RBM19: variants seen among roughly 807,000 people sequenced by gnomAD.
The protein encoded by RBM19 is probable RNA-binding protein 19.
RBM19 carries 94 observed loss-of-function variants against 116.8 expected under a neutral mutation model. The ratio of observed to expected loss-of-function variants is 0.80; its 90% CI spans 0.68 to 0.95. The LOEUF (loss-of-function observed/expected upper bound fraction) is 0.95, where lower values mean the gene tolerates loss of function less well. RBM19 is among the 40% of genes least tolerant of loss of function. The pLI is 0.00. For missense variants in RBM19, 1,161 were observed against 1,220.7 expected, an observed-to-expected ratio of 0.95 and a Z score of 0.73; for synonymous variants, 475 against 494.1, an observed-to-expected ratio of 0.96 and a Z score of 0.51.
intron 19 of RBM19, 117 bp downstream of exon 19, chr12:113,920,494 T>C (rs1868432098): frequency 1.1e-6 from 1 of 943,180 alleles, no homozygotes; most frequent in Non-Finnish European, 1.7e-6. Flanking sequence ...GGAAAAGCAA[T>C]GGGCCCGGTC....
Position 113,915,076 on chromosome 12 carries a change from C to A in RBM19, c.2451G>T (p.Val817=), listed in dbSNP as rs748426057. Residue 817 remains valine (V), a synonymous_variant, in exon 21 of 24, where the codon GTG becomes GTT. Coordinates refer to ENST00000261741, the MANE Select transcript of RBM19 (RefSeq NM_016196.4). ...GAACTTGTTTCTTCCGAGCCAATGT[C>A]ACGGCTGGCCTGGAGTGGTGGGGGG... ...RISERATKPA[V]TLARKKQVPR... The A allele has an allele frequency of 6.2e-7, 1 of 1,614,092 alleles. No homozygotes were observed. Among genetic ancestry groups the A allele is most frequent in the Admixed American group, 1.7e-5 (1 of 60,028 alleles).
intron 21 of RBM19, among the ~76,000 whole-genome samples, chr12:113,888,441 A>T (rs940869343): frequency 1.3e-5 from 2 of 152,154 alleles, no homozygotes; most frequent in Non-Finnish European, 2.9e-5. Context: ...TCATCTGTCA[A>T]TGTGGGGCCC....
At chr12:113,962,907 G>A (rs1226236837) in intron 1 of RBM19, among the ~76,000 whole-genome samples, 1 of 152,194 alleles carries the variant, frequency 6.6e-6, no homozygotes, top group East Asian at 1.9e-4. Context: ...TATGGAGATG[G>A]GGAGATGATC....
intron 1 of RBM19, among the ~76,000 whole-genome samples, chr12:113,962,693 A>G (rs1872603837): frequency 6.6e-6 from 1 of 152,254 alleles, no homozygotes; most frequent in African/African-American, 2.4e-5. Context: ...TGAGGATAAG[A>G]CCAATTACAG....
intron 23 of RBM19, among the ~76,000 whole-genome samples, chr12:113,830,594 C>CT (rs1875327807): frequency 4.6e-5 from 2 of 43,574 alleles, no homozygotes; most frequent in Admixed American, 2.8e-4. Flanking sequence ...GGGGGGTGGG[C>CT]TATGCCTGGG....
rs148668311 is a variant in RBM19, at chr12:113,901,498, T to TATTCATTCATTCATTC, written c.2558+13455_2558+13470dup. On this transcript the variant is annotated intron_variant, in intron 21 of 23. Coordinates refer to ENST00000261741, the MANE Select transcript of RBM19 (RefSeq NM_016196.4). ...TCACTCCATCAGGAATTCCTTCTTTTATTCATTCATTCATTCATTCATTCA... is the reference window on the plus strand; with the variant it reads ...TCACTCCATCAGGAATTCCTTCTTTTATTCATTCATTCATTCATTCATTCATTCATTCATTCATTCA... Among the ~76,000 whole-genome samples the TATTCATTCATTCATTC allele has an allele frequency of 7.2e-5, 11 of 151,744 alleles. 1 individual carries two copies. The East Asian group carries it at 1.4e-3, about 19-fold the overall frequency.
intron 21 of RBM19, among the ~76,000 whole-genome samples, chr12:113,884,365 A>G (rs1045786979): frequency 6.6e-6 from 1 of 150,662 alleles, no homozygotes; most frequent in Non-Finnish European, 1.5e-5. Context: ...TTGGTTCTCA[A>G]TCAGGCAATT....
rs1452893327 is a variant in RBM19, at chr12:113,955,184, GT to G, written c.867del (p.Glu289AspfsTer8). 1 of 1,614,044 alleles carries G rather than the reference GT, an allele frequency of 6.2e-7. No homozygotes were observed. Among genetic ancestry groups the G allele is most frequent in the East Asian group, 2.2e-5 (1 of 44,892 alleles). On this transcript the variant is annotated frameshift_variant, in exon 7 of 24. Coordinates refer to ENST00000261741, the MANE Select transcript of RBM19 (RefSeq NM_016196.4). LOFTEE classifies it high-confidence loss of function. ...AGCTTCACGGTGTGGCAGGTGGTGG[GT>G]TCCTTCTGGTTTGCTGGTTTCTCTG... Reference protein sequence around the residue: ...AETEKPANQKEPTTCHTVKLR... With the variant: ...AETEKPANQKXPTTCHTVKLR...
intron 23 of RBM19, among the ~76,000 whole-genome samples, chr12:113,841,445 A>T (rs1876466744): frequency 2.4e-5 from 3 of 125,668 alleles, no homozygotes; most frequent in African/African-American, 6.1e-5. Flanking sequence ...TTTTTTTGAG[A>T]TGGAGTCTCG....
Position 113,823,132 on chromosome 12 carries a change from C to A in RBM19, c.*92G>T. 4 of 1,245,434 alleles carry A rather than the reference C, an allele frequency of 3.2e-6. No homozygotes were observed. In the South Asian group the frequency reaches 5.3e-5, roughly 16 times the overall value. 77.1% of individuals were successfully genotyped at this position (1,245,434 alleles called of 1,614,324 possible). A position where few individuals can be genotyped will look rare whatever the true frequency, so the allele number is the denominator to read the frequency against. ...TGGGGCCGCCTGCCGCTCCCCGCCC[C>A]GCCCCCCAGCCCACATGGTGGTGAG... On this transcript the variant is annotated 3_prime_UTR_variant, in exon 24 of 24. Transcript: ENST00000261741.
intron 18 of RBM19, among the ~76,000 whole-genome samples, chr12:113,923,140 T>C (rs984870353): frequency 6.6e-6 from 1 of 151,804 alleles, no homozygotes; most frequent in Admixed American, 6.6e-5. Flanking sequence ...TCTCGAAAAA[T>C]AAAAATAAAT....
Position 113,960,062 on chromosome 12 carries a change from C to G in RBM19, c.336G>C (p.Lys112Asn). The G allele has an allele frequency of 6.2e-7, 1 of 1,614,208 alleles. No individual in the cohort carries two copies. The highest frequency in any genetic ancestry group is 8.5e-7 in the Non-Finnish European group (1 of 1,180,022). ...PPKDSTTPEIKKDEKKKKVAG... is the reference protein window; with the variant it reads ...PPKDSTTPEINKDEKKKKVAG... ...GCTAGAGTGACCCTTTACATACTTT[C>G]TTAATTTCTGGAGTAGTAGAGTCTT... Residue 112 changes from lysine to asparagine, a missense_variant, in exon 3 of 24, where the codon AAG becomes AAC. Coordinates refer to ENST00000261741, the MANE Select transcript of RBM19 (RefSeq NM_016196.4).
downstream of RBM19, among the ~76,000 whole-genome samples, chr12:113,820,339 T>C (rs971571312): frequency 4.6e-5 from 7 of 151,524 alleles, no homozygotes; most frequent in African/African-American, 1.7e-4. Flanking sequence ...AAGCGTGATT[T>C]AAGATCTCAA....
chr12:113,906,647 G>A (rs201982585), intron 21 of RBM19, among the ~76,000 whole-genome samples: 1 of 152,084 alleles, frequency 6.6e-6, no homozygotes, highest in East Asian at 1.9e-4. Context: ...GTCCTGCCTC[G>A]TCGGGGCTCG....
At chr12:113,940,188 G>C (rs771817970) in intron 14 of RBM19, 28 bp from the exon 15 acceptor site, 4 of 1,595,876 alleles carry the variant, frequency 2.5e-6, no homozygotes, top group Non-Finnish European at 3.4e-6. Context: ...ACACACATGG[G>C]ACCACAGGAG....
At chr12:113,964,056 T>C (rs1593664317) in intron 1 of RBM19, among the ~76,000 whole-genome samples, 1 of 152,254 alleles carries the variant, frequency 6.6e-6, no homozygotes. Flanking sequence ...CGTAATGATC[T>C]GGTGCCTCTC....
intron 21 of RBM19, among the ~76,000 whole-genome samples, chr12:113,911,841 G>A (rs144510025): frequency 3.5e-4 from 53 of 152,300 alleles, no homozygotes; most frequent in Non-Finnish European, 5.1e-4. Context: ...TATTACCACA[G>A]CATCATCACA....
At chr12:113,945,691 G>C in intron 13 of RBM19, 137 bp downstream of exon 13, 1 of 673,754 alleles carries the variant, frequency 1.5e-6, no homozygotes, top group East Asian at 2.8e-5. Context: ...TTCCATTCCA[G>C]AGGCCTCTGG....
intron 6 of RBM19, among the ~76,000 whole-genome samples, chr12:113,956,726 G>A (rs1049599966): frequency 6.6e-6 from 1 of 152,038 alleles, no homozygotes; most frequent in Admixed American, 6.5e-5. Context: ...CGAGTTGGCC[G>A]ACCTCTGGGG....
Sources: gnomAD v4.1 joint callset for allele counts (sites outside exome capture counted in the v4.1 genomes callset) on GRCh38, gnomAD v4.1.1 for gene constraint, MANE v1.5 for transcripts, NCBI Gene and HGNC (gene_info 2026-07-23, HGNC 2026-07-21) for gene names.